DPT: variants seen among roughly 807,000 people sequenced by gnomAD.
DPT encodes the protein tyrosine-rich acidic matrix protein.
Under a neutral mutation model 31.2 loss-of-function variants are expected in DPT, and 21 were observed. That is an observed-to-expected ratio of 0.67 (90% CI 0.48 to 0.97). The LOEUF (loss-of-function observed/expected upper bound fraction) is 0.97, where lower values mean the gene tolerates loss of function less well. DPT is among the 50% of genes least tolerant of loss of function. The probability of loss-of-function intolerance (pLI) is 0.00; values close to 1 mark genes in which losing one functional copy is unlikely to be tolerated. For missense variants in DPT, 262 were observed against 258.8 expected (o/e 1.01, Z -0.08); for synonymous variants, 91 against 86.9 (o/e 1.05, Z -0.26).
chr1:168,712,200 G>A (rs1649882670), intron 2 of DPT, among the ~76,000 whole-genome samples: 1 of 152,182 alleles, frequency 6.6e-6, no homozygotes, highest in East Asian at 1.9e-4. Context: ...GTGGTAAAAT[G>A]CATAAAGTGC....
intron 1 of DPT, among the ~76,000 whole-genome samples, chr1:168,715,810 A>G (rs1649973705): frequency 6.6e-6 from 1 of 152,114 alleles, no homozygotes; most frequent in Non-Finnish European, 1.5e-5. Context: ...CCCTTCCAAA[A>G]TAGTTCTTCA....
At chr1:168,727,344 A>G (rs1650270647) in intron 1 of DPT, among the ~76,000 whole-genome samples, 1 of 152,104 alleles carries the variant, frequency 6.6e-6, no homozygotes, top group Admixed American at 6.5e-5. Flanking sequence ...ACACGAGATG[A>G]TCCACATAAA....
Position 168,714,257 on chromosome 1 carries a change from C to A in DPT, c.395G>T (p.Cys132Phe). ...TGGGCACCTCTTGCTGTAGCGACAACAGTAAAACTGCCACTCCCGATCCAG... is the reference window on the plus strand; with the variant it reads ...TGGGCACCTCTTGCTGTAGCGACAAAAGTAAAACTGCCACTCCCGATCCAG... ...SVLDREWQFY[C>F]CRYSKRCPYS... The change falls in exon 2 of 4, where the codon TGT becomes TTT. Residue 132 changes from cysteine to phenylalanine, a missense_variant. By Grantham distance (205) the Cys-to-Phe change is radical. Coordinates refer to ENST00000367817, the MANE Select transcript of DPT (RefSeq NM_001937.5). The A allele has an allele frequency of 6.2e-7, 1 of 1,614,052 alleles. No homozygotes were observed. The highest frequency in any genetic ancestry group is 8.5e-7 in the Non-Finnish European group (1 of 1,180,016).
intron 2 of DPT, among the ~76,000 whole-genome samples, chr1:168,709,805 A>C (rs1481056531): frequency 1.3e-5 from 2 of 152,188 alleles, no homozygotes; most frequent in African/African-American, 4.8e-5. Flanking sequence ...AAGGTTTCAG[A>C]TAAGAGGGTT....
rs775480878 is a variant in DPT at position 168,714,300 on chromosome 1, G to A, written c.352C>T (p.Arg118Cys). The A allele has an allele frequency of 5.3e-5, 85 of 1,613,884 alleles. No homozygotes were observed. Among genetic ancestry groups the A allele is most frequent in the Admixed American group, 6.7e-5 (4 of 59,968 alleles). The change falls in exon 2 of 4, where the codon CGC becomes TGC. Residue 118 changes from arginine to cysteine, a missense_variant. Coordinates refer to ENST00000367817, the MANE Select transcript of DPT (RefSeq NM_001937.5). ...NNGLVAGFQS[R>C]YFESVLDREW... ...CGATCCAGCACTGACTCGAAGTAGC[G>A]GCTCTGGAATCCTGCCACCAGCCCA... is the stretch of plus-strand genomic sequence containing the variant.
At chr1:168,711,177 ATTTT>A (rs60428485) in intron 2 of DPT, among the ~76,000 whole-genome samples, 2 of 145,922 alleles carry the variant, frequency 1.4e-5, no homozygotes, top group African/African-American at 5.1e-5. Flanking sequence ...AGCCTGGCTA[ATTTT>A]TTTTTTTTTT....
chr1:168,711,124 C>T (rs141537705), intron 2 of DPT, among the ~76,000 whole-genome samples: 1,614 of 151,814 alleles, frequency 0.011, 16 homozygotes, highest in Non-Finnish European at 0.017. Context: ...CATTCTCCTG[C>T]CTCAGCCTCC....
In DPT at chr1:168,724,941, G is replaced by T. The variant is rs188731982; in HGVS notation, c.305+3929C>A. Among the ~76,000 whole-genome samples the T allele has an allele frequency of 3.0e-3, 453 of 152,222 alleles. 3 individuals are homozygous for T. Among genetic ancestry groups the T allele is most frequent in the African/African-American group, 0.01 (431 of 41,524 alleles). ...AAACTTCTCCTTGAGATTCTTTGAA[G>T]CCCGGGGTAAAAAGTAGATACCAAT... On this transcript the variant is annotated intron_variant, in intron 1 of 3. Transcript: ENST00000367817.
At chr1:168,707,107 T>C (rs918907389) in intron 2 of DPT, among the ~76,000 whole-genome samples, 2 of 152,184 alleles carry the variant, frequency 1.3e-5, no homozygotes, top group Non-Finnish European at 2.9e-5. Context: ...GATAGACTGG[T>C]TGAGTCAAGT....
intron 1 of DPT, among the ~76,000 whole-genome samples, chr1:168,718,519 T>A (rs543916716): frequency 2.0e-5 from 3 of 152,302 alleles, no homozygotes; most frequent in Admixed American, 2.0e-4. Context: ...TTTGGTAGAG[T>A]CAGCCTGTTC....
chr1:168,706,644 G>A (rs1437101841), intron 2 of DPT, among the ~76,000 whole-genome samples: 1 of 152,188 alleles, frequency 6.6e-6, no homozygotes. Context: ...TCTGAGGTGT[G>A]TGAAATAAAA....
At chr1:168,705,996 CATGG>C (rs1649710338) in intron 2 of DPT, among the ~76,000 whole-genome samples, 1 of 146,286 alleles carries the variant, frequency 6.8e-6, no homozygotes, top group Non-Finnish European at 1.5e-5. Context: ...CTTCCTCAGC[CATGG>C]AACTGTGAGT....
chr1:168,707,469 C>T (rs1004300595), intron 2 of DPT, among the ~76,000 whole-genome samples: 19 of 152,130 alleles, frequency 1.2e-4, no homozygotes, highest in African/African-American at 4.3e-4. Context: ...AAGTAGCTGG[C>T]CTTGGGTTAA....
intron 3 of DPT, among the ~76,000 whole-genome samples, 184 bp from the exon 4 acceptor site, chr1:168,696,799 C>T (rs1483056029): frequency 6.6e-6 from 1 of 152,190 alleles, no homozygotes; most frequent in East Asian, 1.9e-4. Context: ...TCTGTGAGTT[C>T]AGGTCACCCT....
intron 2 of DPT, among the ~76,000 whole-genome samples, chr1:168,713,495 C>T (rs1375127532): frequency 6.6e-6 from 1 of 152,140 alleles, no homozygotes; most frequent in Non-Finnish European, 1.5e-5. Context: ...TTCTGGATCC[C>T]CTTGCCCAAG....
At position 168,698,597 on chromosome 1, in the gene DPT, G is replaced by T. The variant is rs1649515470; in HGVS notation, c.540-1982C>A. Among the ~76,000 whole-genome samples the T allele has an allele frequency of 4.6e-5, 7 of 152,142 alleles. No individual in the cohort carries two copies. In the South Asian group the frequency reaches 1.5e-3, roughly 32 times the overall value. Reference sequence around the variant, plus strand: ...TCTGATTTCACACCAGGACAGTGGGGGCAAATTTGCTCCCCAAGGGAATAC... The same window carrying T: ...TCTGATTTCACACCAGGACAGTGGGTGCAAATTTGCTCCCCAAGGGAATAC... On this transcript the variant is annotated intron_variant, in intron 3 of 3. Transcript: ENST00000367817.
At position 168,704,392 on chromosome 1, in the gene DPT, T is replaced by C. The variant is rs1166649647; in HGVS notation, c.432-3268A>G. 4.6e-5 allele frequency among the ~76,000 whole-genome samples: 7 copies of C among 152,224 alleles called. No individual in the cohort carries two copies. The South Asian group carries it at 1.2e-3, about 27-fold the overall frequency. ...TTCTCCTTTCCCCTAAAGTAAAGTG[T>C]TTGAATAGATTTATTCAATTTTAGC... On this transcript the variant is annotated intron_variant, in intron 2 of 3. Coordinates refer to ENST00000367817, the MANE Select transcript of DPT (RefSeq NM_001937.5).
chr1:168,709,565 A>T (rs745960002), intron 2 of DPT, among the ~76,000 whole-genome samples: 1 of 152,102 alleles, frequency 6.6e-6, no homozygotes, highest in East Asian at 1.9e-4. Context: ...TCTCATACTC[A>T]TTTGGGAGTT....
At chr1:168,699,404 T>C (rs1257702371) in intron 3 of DPT, among the ~76,000 whole-genome samples, 1 of 152,162 alleles carries the variant, frequency 6.6e-6, no homozygotes, top group African/African-American at 2.4e-5. Flanking sequence ...CTAAGTAGTA[T>C]ATACTCGTTT....
Sources: allele counts gnomAD v4.1 joint callset (sites outside exome capture counted in the v4.1 genomes callset), GRCh38; gene constraint gnomAD v4.1.1; transcripts MANE v1.5; gene names NCBI Gene and HGNC (gene_info 2026-07-23, HGNC 2026-07-21).